The following HECA variants were observed in gnomAD, a reference collection of about 807,000 sequenced individuals.
HECA encodes the protein HECA ribonucleoprotein granule regulator, also known as headcase protein homolog.
Under a neutral mutation model 37.6 loss-of-function variants are expected in HECA, and 13 were observed. That is an observed-to-expected ratio of 0.35 (90% confidence interval 0.23 to 0.55). The LOEUF is 0.55. Among genes scored for constraint, HECA ranks in the 20% least tolerant of loss-of-function variants. The pLI is 0.90. For missense variants in HECA, 527 were observed against 701.9 expected, an observed-to-expected ratio of 0.75 and a Z score of 2.82; for synonymous variants, 307 against 291.5, an observed-to-expected ratio of 1.05 and a Z score of -0.54.
chr6:139,137,493 A>G (rs1003675411), intron 1 of HECA, among the ~76,000 whole-genome samples: 24 of 152,132 alleles, frequency 1.6e-4, no homozygotes, highest in Non-Finnish European at 3.4e-4. Flanking sequence ...AAAAAAGATT[A>G]CCTGCAGTGT....
chr6:139,167,675 C>T (rs1774911016), intron 2 of HECA, among the ~76,000 whole-genome samples: 1 of 152,132 alleles, frequency 6.6e-6, no homozygotes, highest in Admixed American at 6.5e-5. Flanking sequence ...TGTGTATCCT[C>T]TTAGATCCTT....
intron 1 of HECA, among the ~76,000 whole-genome samples, chr6:139,160,321 A>G (rs886080611): frequency 6.6e-6 from 1 of 152,234 alleles, no homozygotes; most frequent in African/African-American, 2.4e-5. Context: ...CACAGTTTAG[A>G]TTAATGCGCC....
chr6:139,159,553 A>C (rs1774767485), intron 1 of HECA, among the ~76,000 whole-genome samples: 1 of 152,036 alleles, frequency 6.6e-6, no homozygotes, highest in Non-Finnish European at 1.5e-5. Flanking sequence ...CTCTGTCCCG[A>C]CAGAGAAGGC....
intron 1 of HECA, among the ~76,000 whole-genome samples, chr6:139,137,102 G>T (rs1443167461): frequency 6.6e-6 from 1 of 152,136 alleles, no homozygotes; most frequent in Non-Finnish European, 1.5e-5. Flanking sequence ...AACTTACCCC[G>T]TTTGTGAATG....
chr6:139,175,049 C>A (rs907825346), intron 3 of HECA, among the ~76,000 whole-genome samples: 15 of 152,080 alleles, frequency 9.9e-5, no homozygotes, highest in African/African-American at 3.6e-4. Context: ...GAATTGCATG[C>A]CTTGTAAGGT....
At chr6:139,147,539 C>T (rs1274462291) in intron 1 of HECA, among the ~76,000 whole-genome samples, 9 of 152,038 alleles carry the variant, frequency 5.9e-5, no homozygotes, top group South Asian at 2.1e-4. Flanking sequence ...GTGGGAGGAT[C>T]GCTTGAGCCC....
intron 1 of HECA, among the ~76,000 whole-genome samples, chr6:139,162,956 A>G (rs556695723): frequency 2.0e-5 from 3 of 152,288 alleles, no homozygotes; most frequent in Non-Finnish European, 2.9e-5. Flanking sequence ...CCTGCCCTAC[A>G]GTTACCCTCT....
chr6:139,135,797 C>T (rs1774427342), intron 1 of HECA, 130 bp downstream of exon 1: 1 of 280,836 alleles, frequency 3.6e-6, no homozygotes, highest in African/African-American at 2.3e-5. Flanking sequence ...CGCCCCTCCG[C>T]CCCGCCGCGG....
Position 139,179,476 on chromosome 6 carries a change from T to C in HECA, c.*2371T>C, listed in dbSNP as rs1775103478. 1 of 152,210 alleles carries C rather than the reference T, an allele frequency of 6.6e-6. No homozygotes were observed. Among genetic ancestry groups the C allele is most frequent in the Non-Finnish European group, 1.5e-5 (1 of 68,042 alleles). The allele number at this position is 152,210 out of a possible 1,614,324, so 9.4% of individuals were successfully genotyped here. A position where few individuals can be genotyped will look rare whatever the true frequency, so the allele number is the denominator to read the frequency against. ...CTGAACAATAAATAGGATGAGGTTT[T>C]ACTGTAATTGGGTAAAGTTTACTCT... On this transcript the variant is annotated 3_prime_UTR_variant, in exon 4 of 4. Coordinates refer to ENST00000367658, the MANE Select transcript of HECA (RefSeq NM_016217.3).
chr6:139,153,090 A>C (rs1225891801), intron 1 of HECA: 2 of 152,296 alleles, frequency 1.3e-5, no homozygotes, highest in East Asian at 3.9e-4. Context: ...TAATTACAGG[A>C]GCTCCTTGAA....
intron 2 of HECA, among the ~76,000 whole-genome samples, chr6:139,172,620 A>G (rs975613180): frequency 2.0e-5 from 3 of 152,226 alleles, no homozygotes; most frequent in African/African-American, 7.2e-5. Flanking sequence ...TAGAAATTCA[A>G]AATTCTCTGT....
chr6:139,135,271 A>T lies in HECA; in HGVS notation c.-126A>T. 1.3e-6 allele frequency: 1 copy of T among 762,262 alleles called. No homozygotes were observed. Among genetic ancestry groups the T allele is most frequent in the Non-Finnish European group, 1.7e-6 (1 of 596,952 alleles). The allele number at this position is 762,262 out of a possible 1,614,324, so 47.2% of individuals were successfully genotyped here. ...GGGCCGTGCGGCTAGACGGGAGCCG[A>T]GGGAACCGCCGGCTCGCGCCCTCCG... On this transcript the variant is annotated 5_prime_UTR_variant, in exon 1 of 4. Coordinates refer to ENST00000367658, the MANE Select transcript of HECA (RefSeq NM_016217.3).
chr6:139,164,878 T>C (rs1774861615), intron 1 of HECA, among the ~76,000 whole-genome samples: 1 of 149,094 alleles, frequency 6.7e-6, no homozygotes. Flanking sequence ...ACTATGAGAC[T>C]CTCAGTCTCC....
intron 1 of HECA, among the ~76,000 whole-genome samples, chr6:139,140,449 A>G (rs1042909838): frequency 6.6e-6 from 1 of 152,210 alleles, no homozygotes; most frequent in Non-Finnish European, 1.5e-5. Context: ...TTCTTCCTGT[A>G]CACTTCGTGT....
chr6:139,164,784 T>TC (rs1404698342), intron 1 of HECA, among the ~76,000 whole-genome samples: 11 of 148,574 alleles, frequency 7.4e-5, no homozygotes, highest in South Asian at 2.2e-4. Flanking sequence ...CACACTAACC[T>TC]CCCCCCCACC....
rs145697636 is a variant in HECA at position 139,166,056 on chromosome 6, G to A, written c.272-228G>A. ...TTCAGGACAACCTAAAGCTCAGGAT[G>A]AAGGGCGTTGAAGGTCCTTTTTAGA... On this transcript the variant is annotated intron_variant, in intron 1 of 3. Coordinates refer to ENST00000367658, the MANE Select transcript of HECA (RefSeq NM_016217.3). 3,075 of 465,954 alleles carry A rather than the reference G, an allele frequency of 6.6e-3. 29 individuals carry two copies. The highest frequency in any genetic ancestry group is 0.022 in the Middle Eastern group (40 of 1,832). 28.9% of individuals were successfully genotyped at this position (465,954 alleles called of 1,614,324 possible).
intron 1 of HECA, among the ~76,000 whole-genome samples, chr6:139,143,240 A>G (rs1299965238): frequency 6.6e-6 from 1 of 152,176 alleles, no homozygotes; most frequent in Non-Finnish European, 1.5e-5. Flanking sequence ...GGAAAACAGT[A>G]TATGTGAAAG....
chr6:139,156,416 C>T (rs1043052356), intron 1 of HECA, among the ~76,000 whole-genome samples: 2 of 152,082 alleles, frequency 1.3e-5, no homozygotes, highest in Admixed American at 6.5e-5. Flanking sequence ...CACCATGTTG[C>T]CCAGGCTGGT....
intron 1 of HECA, among the ~76,000 whole-genome samples, chr6:139,157,599 A>C (rs1774735616): frequency 1.3e-5 from 2 of 152,258 alleles, no homozygotes; most frequent in African/African-American, 4.8e-5. Context: ...GTTGTGAAGA[A>C]GAAATCTACT....
Sources: allele counts gnomAD v4.1 joint callset (sites outside exome capture counted in the v4.1 genomes callset), GRCh38; gene constraint gnomAD v4.1.1; transcripts MANE v1.5; gene names NCBI Gene and HGNC (gene_info 2026-07-23, HGNC 2026-07-21).